MACROD2: variants seen among roughly 807,000 people sequenced by gnomAD.
MACROD2 encodes ADP-ribose glycohydrolase MACROD2.
In MACROD2, 36 loss-of-function variants were observed where a neutral mutation model predicts 70.4. That is an observed-to-expected ratio of 0.51 (90% CI 0.39 to 0.68). MACROD2 has a LOEUF of 0.68. MACROD2 is among the 30% of genes least tolerant of loss of function. The probability of loss-of-function intolerance (pLI) is 0.00; values close to 1 mark genes in which losing one functional copy is unlikely to be tolerated. For missense variants in MACROD2, 496 were observed against 538.4 expected (o/e 0.92, Z 0.78); for synonymous variants, 172 against 178.8 (o/e 0.96, Z 0.30).
chr20:14,639,779 G>C (rs6079515), intron 4 of MACROD2, among the ~76,000 whole-genome samples: 1 of 152,106 alleles, frequency 6.6e-6, no homozygotes, highest in Admixed American at 6.5e-5. Flanking sequence ...TTAAGTTTCA[G>C]GACCACTTAA....
intron 5 of MACROD2, among the ~76,000 whole-genome samples, chr20:14,883,731 C>A (rs1271583338): frequency 1.3e-5 from 2 of 152,126 alleles, no homozygotes; most frequent in African/African-American, 4.8e-5. Flanking sequence ...TGATCTCCAA[C>A]TTAATATAGG....
intron 6 of MACROD2, among the ~76,000 whole-genome samples, chr20:15,404,556 A>T (rs1489374332): frequency 6.6e-6 from 1 of 152,240 alleles, no homozygotes. Flanking sequence ...AGGTGAAGTT[A>T]AAAACCAGTC....
At chr20:14,312,011 G>A (rs1310934059) in intron 3 of MACROD2, among the ~76,000 whole-genome samples, 1 of 152,040 alleles carries the variant, frequency 6.6e-6, no homozygotes, top group African/African-American at 2.4e-5. Flanking sequence ...TATTTTCTGA[G>A]TAACAAGTCA....
intron 15 of MACROD2, 126 bp downstream of exon 15, chr20:15,987,284 T>A: frequency 1.4e-6 from 1 of 732,416 alleles, no homozygotes; most frequent in Non-Finnish European, 2.2e-6. Flanking sequence ...AACATTTCCT[T>A]AACCCCAAAT....
intron 3 of MACROD2, among the ~76,000 whole-genome samples, chr20:14,271,604 A>C (rs1328623604): frequency 6.6e-6 from 1 of 152,250 alleles, no homozygotes; most frequent in Non-Finnish European, 1.5e-5. Context: ...CCTCCAAAGG[A>C]ATGCAGTTCC....
intron 16 of MACROD2, 116 bp downstream of exon 16, chr20:16,041,394 C>A: frequency 3.9e-6 from 3 of 778,780 alleles, no homozygotes; most frequent in South Asian, 2.2e-5. Context: ...GGTTAGAACA[C>A]AGTAAATTTC....
chr20:14,149,097 C>G (rs2054980046), intron 3 of MACROD2, among the ~76,000 whole-genome samples: 1 of 151,816 alleles, frequency 6.6e-6, no homozygotes, highest in Non-Finnish European at 1.5e-5. Flanking sequence ...ATAGTACCCC[C>G]AAATTAGTTT....
intron 5 of MACROD2, among the ~76,000 whole-genome samples, chr20:14,762,936 C>A (rs2072036559): frequency 6.6e-6 from 1 of 151,738 alleles, no homozygotes; most frequent in Admixed American, 6.6e-5. Flanking sequence ...TCTCAAAAAA[C>A]AAACAAACAA....
chr20:14,390,252 C>T (rs372111675), intron 3 of MACROD2, among the ~76,000 whole-genome samples: 29 of 151,984 alleles, frequency 1.9e-4, no homozygotes, highest in African/African-American at 6.5e-4. Flanking sequence ...AGAGATGACA[C>T]GAACAAATGG....
chr20:15,874,003 T>G (rs980920153), intron 9 of MACROD2, among the ~76,000 whole-genome samples: 33 of 152,182 alleles, frequency 2.2e-4, no homozygotes, highest in African/African-American at 6.0e-4. Flanking sequence ...CCATGTTGGT[T>G]TGCTGTACCC....
chr20:15,968,359 A>G (rs1468150812), intron 13 of MACROD2, among the ~76,000 whole-genome samples: 1 of 152,296 alleles, frequency 6.6e-6, no homozygotes, highest in Admixed American at 6.5e-5. Flanking sequence ...TTATTTATAC[A>G]TGAAATCAGA....
chr20:15,430,160 C>T (rs1356465717), intron 6 of MACROD2, among the ~76,000 whole-genome samples: 2 of 151,944 alleles, frequency 1.3e-5, no homozygotes, highest in Non-Finnish European at 2.9e-5. Context: ...TCCAGTTCTC[C>T]ACTGATGGAC....
chr20:14,108,515 C>G (rs4120825), intron 3 of MACROD2, among the ~76,000 whole-genome samples: 140,135 of 151,318 alleles, frequency 0.93, 64,990 homozygotes, highest in East Asian at 0.99. Context: ...CTGTTGCCTA[C>G]AAGAAGCACA....
In MACROD2 at chr20:16,049,905, G is replaced by A; in HGVS notation, c.*29G>A. 1 of 1,600,936 alleles carries A rather than the reference G, an allele frequency of 6.2e-7. No individual in the cohort carries two copies. Among genetic ancestry groups the A allele is most frequent in the African/African-American group, 1.4e-5 (1 of 73,988 alleles). Reference sequence around the variant, plus strand: ...TCCTCAGCATCGCAAGGCCTCTCCTGGCTCTGGGGGAGCTCGGGAAGATAG... The same window carrying A: ...TCCTCAGCATCGCAAGGCCTCTCCTAGCTCTGGGGGAGCTCGGGAAGATAG... On this transcript the variant is annotated 3_prime_UTR_variant, in exon 18 of 18. Transcript: ENST00000684519.
chr20:14,233,208 T>C (rs999405531), intron 3 of MACROD2, among the ~76,000 whole-genome samples: 1 of 152,102 alleles, frequency 6.6e-6, no homozygotes, highest in African/African-American at 2.4e-5. Context: ...TGGAAATGTC[T>C]GAAATGTAAG....
chr20:14,230,654 T>TATATATATATATAAAAAAAA lies in MACROD2; in HGVS notation c.271+144927_271+144928insTATATATATATAAAAAAAAA. 8.1e-5 allele frequency among the ~76,000 whole-genome samples: 6 copies of TATATATATATATAAAAAAAA among 74,242 alleles called. 1 individual carries two copies. The highest frequency in any genetic ancestry group is 5.3e-4 in the South Asian group (1 of 1,872). The allele number at this position is 74,242 out of a possible 152,430, so 48.7% of individuals were successfully genotyped here. On this transcript the variant is annotated intron_variant, in intron 3 of 17. Transcript: ENST00000684519. ...GTTTATATATATATATATATATATA[T>TATATATATATATAAAAAAAA]AACACAGGCTGGGCCTATATATATA...
chr20:15,223,459 C>G (rs1046553714), intron 5 of MACROD2, among the ~76,000 whole-genome samples: 11 of 152,152 alleles, frequency 7.2e-5, no homozygotes, highest in Non-Finnish European at 1.5e-4. Flanking sequence ...CATTATAAAA[C>G]AAAAGAACTA....
intron 8 of MACROD2, among the ~76,000 whole-genome samples, chr20:15,600,978 C>G (rs1251495779): frequency 6.6e-6 from 1 of 152,188 alleles, no homozygotes; most frequent in Admixed American, 6.5e-5. Context: ...CAGAACTCCT[C>G]TACATCATGC....
chr20:14,473,932 G>C (rs1171631011), intron 3 of MACROD2, among the ~76,000 whole-genome samples: 1 of 151,920 alleles, frequency 6.6e-6, no homozygotes, highest in Non-Finnish European at 1.5e-5. Flanking sequence ...GCACTTGTTG[G>C]CCACTTGTAT....
Sources: gnomAD v4.1 joint callset for allele counts (sites outside exome capture counted in the v4.1 genomes callset) on GRCh38, gnomAD v4.1.1 for gene constraint, MANE v1.5 for transcripts, NCBI Gene and HGNC (gene_info 2026-07-23, HGNC 2026-07-21) for gene names.